The following HDAC1 variants were observed in gnomAD, a reference collection of about 807,000 sequenced individuals.
The protein encoded by HDAC1 is protein deacetylase HDAC1.
HDAC1 carries 18 observed loss-of-function variants against 65.5 expected under a neutral mutation model. The ratio of observed to expected loss-of-function variants is 0.27; its 90% confidence interval spans 0.19 to 0.41. The LOEUF (loss-of-function observed/expected upper bound fraction) is 0.41. HDAC1 is among the 10% of genes least tolerant of loss of function. The pLI is 1.00. For synonymous variants in HDAC1, 211 were observed against 227.9 expected (o/e 0.93, Z 0.67); for missense variants, 373 against 625.2 (o/e 0.60, Z 4.30).
chr1:32,321,048 A>T (rs964706293), intron 3 of HDAC1, among the ~76,000 whole-genome samples: 4 of 151,062 alleles, frequency 2.6e-5, no homozygotes, highest in African/African-American at 9.7e-5. Flanking sequence ...TGGCTAACAC[A>T]GTGAAACCCC....
At chr1:32,296,845 T>TG (rs1327138054) in intron 1 of HDAC1, among the ~76,000 whole-genome samples, 1 of 152,182 alleles carries the variant, frequency 6.6e-6, no homozygotes, top group African/African-American at 2.4e-5. Context: ...CTAGTAGTGA[T>TG]GGAGCTTCCT....
chr1:32,298,035 C>T (rs185677608), intron 1 of HDAC1, among the ~76,000 whole-genome samples: 1,603 of 150,670 alleles, frequency 0.011, 11 homozygotes, highest in South Asian at 0.022. Context: ...GTGATTCGCC[C>T]GCCTCGGCCT....
At chr1:32,306,400 C>T (rs865816266) in intron 2 of HDAC1, among the ~76,000 whole-genome samples, 23 of 151,970 alleles carry the variant, frequency 1.5e-4, no homozygotes, top group Admixed American at 3.3e-4. Context: ...TCAGGTGATC[C>T]GCCCGCCTTG....
rs1641297612 is a variant in HDAC1, at chr1:32,331,918, T to C, written c.1219+112T>C. On this transcript the variant is annotated intron_variant, in intron 11 of 13. Coordinates refer to ENST00000373548, the MANE Select transcript of HDAC1 (RefSeq NM_004964.3). The surrounding 1 kb of genome is among the most constrained non-coding windows in gnomAD (Gnocchi z 4.2). ...AGCTCCCCACCTGTAGAGAAATCTG[T>C]TTTCGAGTTCCAGTGCCTGTAGGAA... 1 of 1,455,974 alleles carries C rather than the reference T, an allele frequency of 6.9e-7. No individual in the cohort carries two copies. The allele number at this position is 1,455,974 out of a possible 1,614,324, so 90.2% of individuals were successfully genotyped here. A position where few individuals can be genotyped will look rare whatever the true frequency, so the allele number is the denominator to read the frequency against.
intron 3 of HDAC1, among the ~76,000 whole-genome samples, chr1:32,323,855 G>C (rs147942932): frequency 2.5e-3 from 388 of 152,318 alleles, no homozygotes; most frequent in Non-Finnish European, 4.0e-3. Flanking sequence ...CCCCTTGTTT[G>C]TCAGCTGGCG....
At chr1:32,322,451 T>C (rs1241837294) in intron 3 of HDAC1, among the ~76,000 whole-genome samples, 1 of 152,124 alleles carries the variant, frequency 6.6e-6, no homozygotes, top group Non-Finnish European at 1.5e-5. Context: ...GTATTTTTAG[T>C]AGAGACGGGG....
At chr1:32,317,462 ATATAG>A (rs1443904589) in intron 3 of HDAC1, among the ~76,000 whole-genome samples, 1 of 152,180 alleles carries the variant, frequency 6.6e-6, no homozygotes, top group African/African-American at 2.4e-5. Context: ...CTAAGACTTC[ATATAG>A]TATAACAGCA....
At position 32,329,265 on chromosome 1, in the gene HDAC1, C is replaced by T; in HGVS notation, c.729+105C>T. 3 of 771,270 alleles carry T rather than the reference C, an allele frequency of 3.9e-6. No individual in the cohort carries two copies. In the Admixed American group the frequency reaches 5.5e-5, roughly 14 times the overall value. 47.8% of individuals were successfully genotyped at this position (771,270 alleles called of 1,614,324 possible). A position where few individuals can be genotyped will look rare whatever the true frequency, so the allele number is the denominator to read the frequency against. On this transcript the variant is annotated intron_variant, in intron 7 of 13. Coordinates refer to ENST00000373548, the MANE Select transcript of HDAC1 (RefSeq NM_004964.3). This position sits in a 1 kb window ranked among gnomAD's most constrained non-coding sequence, Gnocchi z 4.1. Reference sequence around the variant, plus strand: ...CCTCAGGAATCTCTCCTTACTAAAGCTGGTGGGGAGATAGAAGTGTTTGAA... The same window carrying T: ...CCTCAGGAATCTCTCCTTACTAAAGTTGGTGGGGAGATAGAAGTGTTTGAA...
rs76055898 is a variant in HDAC1, at chr1:32,311,065, C to T, written c.163-5600C>T. Among the ~76,000 whole-genome samples the T allele has an allele frequency of 5.3e-3, 803 of 151,996 alleles. 39 individuals are homozygous for T. In the East Asian group the frequency reaches 0.11, roughly 21 times the overall value. On this transcript the variant is annotated intron_variant, in intron 2 of 13. Transcript: ENST00000373548. ...AGGAGATTGTTGCCAGAATCCAAGT[C>T]AAAAAAAGTGGTAGCCCAGGATGGA...
chr1:32,308,201 C>G (rs1640937563), intron 2 of HDAC1, among the ~76,000 whole-genome samples: 1 of 151,380 alleles, frequency 6.6e-6, no homozygotes, highest in African/African-American at 2.4e-5. Flanking sequence ...TGCCTGTAAT[C>G]CCAGCTACTA....
At chr1:32,306,197 T>C (rs1035918905) in intron 2 of HDAC1, among the ~76,000 whole-genome samples, 5 of 151,474 alleles carry the variant, frequency 3.3e-5, no homozygotes, top group African/African-American at 4.8e-5. Flanking sequence ...TTTTTCTTTT[T>C]TTTTTTTTTT....
intron 1 of HDAC1, among the ~76,000 whole-genome samples, chr1:32,297,108 G>C (rs77528314): frequency 6.6e-6 from 1 of 152,134 alleles, no homozygotes; most frequent in South Asian, 2.1e-4. Context: ...TTGCAAAAGT[G>C]GGGGGCTAGG....
chr1:32,293,226 A>C (rs1439536736), intron 1 of HDAC1, among the ~76,000 whole-genome samples: 1 of 151,712 alleles, frequency 6.6e-6, no homozygotes, highest in African/African-American at 2.4e-5. Context: ...AGCCTAAGGC[A>C]GGAGAATCCC....
At position 32,292,110 on chromosome 1, in the gene HDAC1, C is replaced by G. The variant is rs1236947386; in HGVS notation, c.-60C>G. ...CCTCCCCCCTGGGTCGGACGCTGAGCGGAGCCGCGGGCGGGAGGGCGGACG... is the reference window on the plus strand; with the variant it reads ...CCTCCCCCCTGGGTCGGACGCTGAGGGGAGCCGCGGGCGGGAGGGCGGACG... On this transcript the variant is annotated 5_prime_UTR_variant, in exon 1 of 14. Transcript: ENST00000373548. 2 of 1,515,130 alleles carry G rather than the reference C, an allele frequency of 1.3e-6. No homozygotes were observed. Among genetic ancestry groups the G allele is most frequent in the Non-Finnish European group, 1.8e-6 (2 of 1,118,266 alleles). 93.9% of individuals were successfully genotyped at this position (1,515,130 alleles called of 1,614,324 possible). A position where few individuals can be genotyped will look rare whatever the true frequency, so the allele number is the denominator to read the frequency against.
At chr1:32,332,587 C>G in intron 12 of HDAC1, 114 bp from the exon 13 acceptor site, 1 of 782,400 alleles carries the variant, frequency 1.3e-6, no homozygotes, top group Non-Finnish European at 2.1e-6. Flanking sequence ...GGGCTTTTCT[C>G]TCTTTATGTC....
At chr1:32,294,023 TCACCACTG>T (rs1277660883) in intron 1 of HDAC1, among the ~76,000 whole-genome samples, 3 of 148,512 alleles carry the variant, frequency 2.0e-5, no homozygotes, top group African/African-American at 7.5e-5. Context: ...GGCTGAGATC[TCACCACTG>T]CACTCCGTCC....
In HDAC1 at chr1:32,327,902, G is replaced by C; in HGVS notation, c.636+225G>C. ...AAGAAGAGGGGTCTCCTGACTCACT[G>C]TACTTTCCTCCTGGCCACAGCTGGG... On this transcript the variant is annotated intron_variant, in intron 6 of 13. Coordinates refer to ENST00000373548, the MANE Select transcript of HDAC1 (RefSeq NM_004964.3). This position sits in a 1 kb window ranked among gnomAD's most constrained non-coding sequence, Gnocchi z 6.0. 1 of 590,882 alleles carries C rather than the reference G, an allele frequency of 1.7e-6. No individual in the cohort carries two copies. Among genetic ancestry groups the C allele is most frequent in the Non-Finnish European group, 3.1e-6 (1 of 327,616 alleles). The allele number at this position is 590,882 out of a possible 1,614,324, so 36.6% of individuals were successfully genotyped here. A position where few individuals can be genotyped will look rare whatever the true frequency, so the allele number is the denominator to read the frequency against.
chr1:32,299,241 G>T (rs1232548725), intron 1 of HDAC1, among the ~76,000 whole-genome samples: 1 of 151,904 alleles, frequency 6.6e-6, no homozygotes, highest in African/African-American at 2.4e-5. Context: ...ATGTGTATAG[G>T]AATACACACA....
At chr1:32,332,024 G>A in intron 11 of HDAC1, 66 bp from the exon 12 acceptor site, 1 of 1,481,258 alleles carries the variant, frequency 6.8e-7, no homozygotes, top group Non-Finnish European at 9.0e-7. Context: ...GGAAGCACTG[G>A]GCATAGATGC....
Sources: gnomAD v4.1 joint callset for allele counts (sites outside exome capture counted in the v4.1 genomes callset) on GRCh38, gnomAD v4.1.1 for gene constraint, Gnocchi (gnomAD v3.1) non-coding constraint, MANE v1.5 for transcripts, NCBI Gene and HGNC (gene_info 2026-07-23, HGNC 2026-07-21) for gene names.